Variants in GLG1 observed in about 807,000 individuals in gnomAD.
GLG1 encodes the protein golgi glycoprotein 1.
In GLG1, 38 loss-of-function variants were observed where a neutral mutation model predicts 160.5. The ratio of observed to expected loss-of-function variants is 0.24; its 90% CI spans 0.18 to 0.31. The LOEUF (loss-of-function observed/expected upper bound fraction) is 0.31, where lower values mean the gene tolerates loss of function less well. Among genes scored for constraint, GLG1 ranks in the 10% least tolerant of loss-of-function variants. GLG1 has a pLI of 1.00. For missense variants in GLG1, 1,373 were observed against 1,505.2 expected, an observed-to-expected ratio of 0.91 and a Z score of 1.45; for synonymous variants, 644 against 543.4, an observed-to-expected ratio of 1.19 and a Z score of -2.57.
rs1045273841 is a variant in GLG1 at position 74,451,987 on chromosome 16, T to C, written c.*1180A>G. On this transcript the variant is annotated 3_prime_UTR_variant, in exon 26 of 26. Transcript: ENST00000422840. ...CCTCCATCTTTTAATGTGATAACTT[T>C]CCACACCCTCTCCACGTAGAGGCAC... The C allele has an allele frequency of 2.1e-5, 24 of 1,143,454 alleles. No individual in the cohort carries two copies. The African/African-American group carries it at 3.7e-4, about 17-fold the overall frequency. The allele number at this position is 1,143,454 out of a possible 1,614,324, so 70.8% of individuals were successfully genotyped here. A position where few individuals can be genotyped will look rare whatever the true frequency, so the allele number is the denominator to read the frequency against.
intron 1 of GLG1, among the ~76,000 whole-genome samples, chr16:74,576,480 C>G (rs1664088242): frequency 6.6e-6 from 1 of 152,148 alleles, no homozygotes; most frequent in South Asian, 2.1e-4. Flanking sequence ...GCATACCATA[C>G]TTATTTTAGG....
Position 74,485,911 on chromosome 16 carries a change from T to C in GLG1, c.1456A>G (p.Thr486Ala). Reference protein sequence around the residue: ...LGMNCQQALQTLIQETDPGAD... With the variant: ...LGMNCQQALQALIQETDPGAD... ...CCAGGGTCAGTCTCCTGAATCAGTG[T>C]TTGAAGCTGAATTAAAATAAATTAA... is the stretch of plus-strand genomic sequence containing the variant. Residue 486 changes from threonine to alanine, a missense_variant, in exon 9 of 26, where the codon ACA becomes GCA. Around this residue, in one of 4 missense-constraint regions of GLG1, gnomAD observed 386 missense variants for 388.5 expected, o/e 0.99. Transcript: ENST00000422840. 3.1e-6 allele frequency: 5 copies of C among 1,610,038 alleles called. No individual in the cohort carries two copies. Among genetic ancestry groups the C allele is most frequent in the Non-Finnish European group, 2.5e-6 (3 of 1,178,184 alleles).
At chr16:74,506,604 A>AAAAAAAAAAG in intron 3 of GLG1, among the ~76,000 whole-genome samples, 1 of 143,046 alleles carries the variant, frequency 7.0e-6, no homozygotes, top group Admixed American at 7.0e-5. Context: ...AAAAAAAAAA[A>AAAAAAAAAAG]CTCAAGAGAA....
intron 6 of GLG1, among the ~76,000 whole-genome samples, chr16:74,493,966 G>C (rs894935002): frequency 6.6e-6 from 1 of 151,862 alleles, no homozygotes; most frequent in Non-Finnish European, 1.5e-5. Context: ...CCTGAGGTCA[G>C]GAGTTTGAGA....
At chr16:74,580,182 A>G (rs538171313) in intron 1 of GLG1, among the ~76,000 whole-genome samples, 2 of 152,040 alleles carry the variant, frequency 1.3e-5, no homozygotes, top group East Asian at 3.9e-4. Context: ...AAAAGATGCT[A>G]AATCAAAAAA....
chr16:74,479,784 T>A (rs531911810), intron 11 of GLG1, among the ~76,000 whole-genome samples: 1 of 152,076 alleles, frequency 6.6e-6, no homozygotes. Flanking sequence ...AAAGCAGCAG[T>A]TGGGGCAGAC....
At chr16:74,493,510 T>A (rs972857245) in intron 6 of GLG1, among the ~76,000 whole-genome samples, 5 of 152,228 alleles carry the variant, frequency 3.3e-5, no homozygotes, top group Non-Finnish European at 5.9e-5. Context: ...GCAACTAACA[T>A]AACATTTGGG....
rs147433498 is a variant in GLG1, at chr16:74,576,894, T to C, written c.438+29763A>G. Among the ~76,000 whole-genome samples, 355 of 151,768 alleles carry C rather than the reference T, an allele frequency of 2.3e-3. 1 individual carries two copies. Among genetic ancestry groups the C allele is most frequent in the African/African-American group, 7.8e-3 (324 of 41,382 alleles). On this transcript the variant is annotated intron_variant, in intron 1 of 25. Transcript: ENST00000422840. ...TTTTTACCTCTTGGAAGAAACCATGTACCCTGCATATAAATTCTAACCACT... is the reference window on the plus strand; with the variant it reads ...TTTTTACCTCTTGGAAGAAACCATGCACCCTGCATATAAATTCTAACCACT...
At chr16:74,546,721 C>T (rs2143679111) in intron 1 of GLG1, among the ~76,000 whole-genome samples, 1 of 151,564 alleles carries the variant, frequency 6.6e-6, no homozygotes, top group African/African-American at 2.4e-5. Flanking sequence ...ACCTGTAATC[C>T]CCGCTACTTG....
chr16:74,603,178 A>G (rs552258395), intron 1 of GLG1, among the ~76,000 whole-genome samples: 40 of 152,130 alleles, frequency 2.6e-4, no homozygotes, highest in African/African-American at 9.6e-4. Context: ...TTGGGAGACC[A>G]AGGTGGGCAG....
chr16:74,465,967 G>C (rs1439934200), intron 18 of GLG1, among the ~76,000 whole-genome samples, 154 bp from the exon 19 acceptor site: 1 of 152,090 alleles, frequency 6.6e-6, no homozygotes. Flanking sequence ...CCAAAGATAA[G>C]GATTTACAAC....
In GLG1 at chr16:74,452,570, C is replaced by G. The variant is rs1402301496; in HGVS notation, c.*597G>C. ...CTGTCTCAGCAGAAGAAAGCAGGAC[C>G]CCACACAGCCTGGGGAACGGCTGCC... is the stretch of plus-strand genomic sequence containing the variant. On this transcript the variant is annotated 3_prime_UTR_variant, in exon 26 of 26. Transcript: ENST00000422840. The G allele has an allele frequency of 3.0e-6, 3 of 1,002,274 alleles. No homozygotes were observed. The highest frequency in any genetic ancestry group is 5.0e-4 in the Middle Eastern group (1 of 1,986). The allele number at this position is 1,002,274 out of a possible 1,614,324, so 62.1% of individuals were successfully genotyped here.
intron 1 of GLG1, among the ~76,000 whole-genome samples, chr16:74,553,506 T>C (rs1219259910): frequency 7.0e-6 from 1 of 143,376 alleles, no homozygotes. Flanking sequence ...GGAGTCTCGC[T>C]CTGTCGCCCA....
chr16:74,597,778 C>T (rs370706562), intron 1 of GLG1, among the ~76,000 whole-genome samples: 1 of 150,578 alleles, frequency 6.6e-6, no homozygotes, highest in Non-Finnish European at 1.5e-5. Context: ...GGCGTGAACC[C>T]GGGAGGTGGA....
rs188122286 is a variant in GLG1 at position 74,567,860 on chromosome 16, G to A, written c.439-35707C>T. 9.2e-5 allele frequency among the ~76,000 whole-genome samples: 14 copies of A among 152,120 alleles called. No individual in the cohort carries two copies. In the East Asian group the frequency reaches 1.4e-3, roughly 15 times the overall value. ...TGGGATTACAGGCGTGAGCCACCGCGCCCGGCCATATGGTGCACTTTCATT... is the reference window on the plus strand; with the variant it reads ...TGGGATTACAGGCGTGAGCCACCGCACCCGGCCATATGGTGCACTTTCATT... On this transcript the variant is annotated intron_variant, in intron 1 of 25. Transcript: ENST00000422840.
At chr16:74,492,402 G>C (rs1386236604) in intron 7 of GLG1, among the ~76,000 whole-genome samples, 3 of 151,308 alleles carry the variant, frequency 2.0e-5, no homozygotes, top group Non-Finnish European at 4.4e-5. Context: ...AAACTATTCA[G>C]CTGGGCACAG....
intron 1 of GLG1, among the ~76,000 whole-genome samples, chr16:74,596,954 A>C (rs1416921244): frequency 6.6e-6 from 1 of 151,026 alleles, no homozygotes; most frequent in Non-Finnish European, 1.5e-5. Context: ...TCATCTCTAC[A>C]AAAAAAAACA....
At chr16:74,498,490 T>C (rs1346171601) in intron 4 of GLG1, among the ~76,000 whole-genome samples, 1 of 93,300 alleles carries the variant, frequency 1.1e-5, no homozygotes, top group African/African-American at 3.8e-5. Context: ...ATATATTTTA[T>C]ATATAGTGCT....
intron 15 of GLG1, 123 bp downstream of exon 15, chr16:74,471,050 C>A: frequency 1.4e-6 from 1 of 709,502 alleles, no homozygotes; most frequent in Non-Finnish European, 2.6e-6. Context: ...AGCCACCACG[C>A]CTGGCTGGAA....
Sources: allele counts gnomAD v4.1 joint callset (sites outside exome capture counted in the v4.1 genomes callset), GRCh38; gene constraint gnomAD v4.1.1; regional missense constraint gnomAD v4.1.1; transcripts MANE v1.5; gene names NCBI Gene and HGNC (gene_info 2026-07-23, HGNC 2026-07-21).